ACTR3C: variants seen among roughly 807,000 people sequenced by gnomAD.
ACTR3C encodes the protein actin-related protein 3C.
A neutral mutation model predicts 26.3 loss-of-function variants in ACTR3C; 18 were observed. The observed-to-expected ratio is 0.68, with a 90% CI of 0.47 to 1.01. The LOEUF (loss-of-function observed/expected upper bound fraction) is 1.01, where lower values mean the gene tolerates loss of function less well. Among genes scored for constraint, ACTR3C ranks in the 50% least tolerant of loss-of-function variants. The pLI is 0.00. For missense variants in ACTR3C, 184 were observed against 250.7 expected, an observed-to-expected ratio of 0.73 and a Z score of 1.80; for synonymous variants, 55 against 94.5, an observed-to-expected ratio of 0.58 and a Z score of 2.42.
At chr7:149,985,223 C>CATACACACACACACAT in the ACTR3C span, among the ~76,000 whole-genome samples, 2,610 of 140,736 alleles carry the variant, frequency 0.019, 87 homozygotes, top group African/African-American at 0.06. Flanking sequence ...CACACACACA[C>CATACACACACACACAT]ACACACACAC....
the ACTR3C span, among the ~76,000 whole-genome samples, chr7:150,058,821 A>C: frequency 6.6e-6 from 1 of 152,168 alleles, no homozygotes; most frequent in South Asian, 2.1e-4. Context: ...AGGCTGAGGC[A>C]GGAGAATCAC....
the ACTR3C span, among the ~76,000 whole-genome samples, chr7:150,221,513 A>C: frequency 2.0e-5 from 3 of 152,168 alleles, no homozygotes; most frequent in Non-Finnish European, 4.4e-5. Context: ...CAAAATGTTA[A>C]ATTTTATCCA....
chr7:150,163,382 GTA>G, the ACTR3C span, among the ~76,000 whole-genome samples: 57 of 134,358 alleles, frequency 4.2e-4, no homozygotes, highest in Middle Eastern at 3.5e-3. Flanking sequence ...ATATATGTGT[GTA>G]TGTGTGTGTG....
chr7:150,036,945 T>C, the ACTR3C span, among the ~76,000 whole-genome samples: 2 of 43,340 alleles, frequency 4.6e-5, no homozygotes, highest in African/African-American at 1.7e-4. Context: ...TAAGAGCCAG[T>C]GGGGGAACCA....
the ACTR3C span, among the ~76,000 whole-genome samples, chr7:149,907,931 C>A: frequency 6.6e-6 from 1 of 152,018 alleles, no homozygotes; most frequent in African/African-American, 2.4e-5. Flanking sequence ...TACAGAACAC[C>A]AATTGTCATG....
chr7:150,039,757 C>T, the ACTR3C span, among the ~76,000 whole-genome samples: 3 of 131,756 alleles, frequency 2.3e-5, no homozygotes, highest in Non-Finnish European at 5.0e-5. Context: ...CCCCCTCCTG[C>T]GATGGGGGTC....
chr7:150,203,826 C>T, the ACTR3C span, among the ~76,000 whole-genome samples: 3,667 of 152,314 alleles, frequency 0.024, 84 homozygotes, highest in East Asian at 0.081. Context: ...CTTGGCCTCC[C>T]AAAGTGCTGG....
chr7:149,964,441 A>G, the ACTR3C span, among the ~76,000 whole-genome samples: 234 of 151,368 alleles, frequency 1.5e-3, no homozygotes, highest in African/African-American at 5.4e-3. Context: ...GAAGAGAAGG[A>G]TAAAAAATAT....
chr7:150,213,636 G>A, the ACTR3C span, among the ~76,000 whole-genome samples: 42 of 152,150 alleles, frequency 2.8e-4, no homozygotes, highest in African/African-American at 8.9e-4. Flanking sequence ...CCCAGGAGGG[G>A]GAAGTTCTAT....
At chr7:150,113,262 T>A in the ACTR3C span, among the ~76,000 whole-genome samples, 82 of 140,594 alleles carry the variant, frequency 5.8e-4, 1 homozygote, top group South Asian at 0.011. Flanking sequence ...AAAAAAAAAA[T>A]GGTTTGAATT....
At chr7:150,315,272 C>A (rs576544113) in intron 1 of ACTR3C, among the ~76,000 whole-genome samples, 1 of 151,876 alleles carries the variant, frequency 6.6e-6, no homozygotes, top group African/African-American at 2.4e-5. Flanking sequence ...TAAAATTGAA[C>A]GTCATCGTGA....
At chr7:149,983,449 G>GTGTATATATATATATATATATATATA in the ACTR3C span, among the ~76,000 whole-genome samples, 6 of 23,328 alleles carry the variant, frequency 2.6e-4, no homozygotes, top group East Asian at 2.7e-3. Flanking sequence ...GTGTGTGTGT[G>GTGTATATATATATATATATATATATA]TATATATATA....
chr7:150,039,893 C>A, the ACTR3C span, among the ~76,000 whole-genome samples: 2 of 123,348 alleles, frequency 1.6e-5, no homozygotes, highest in Non-Finnish European at 3.6e-5. Flanking sequence ...GTCCCCGTGT[C>A]GTGAGGGGTG....
At chr7:150,041,791 G>A in the ACTR3C span, among the ~76,000 whole-genome samples, 2 of 143,096 alleles carry the variant, frequency 1.4e-5, no homozygotes, top group African/African-American at 5.3e-5. Flanking sequence ...CTGCCTCGCG[G>A]GGGGTGCCTC....
chr7:150,239,532 C>A (rs1230096414), downstream of ACTR3C, among the ~76,000 whole-genome samples: 767 of 120,902 alleles, frequency 6.3e-3, 11 homozygotes, highest in Middle Eastern at 0.012. Context: ...CTCTCTCTCT[C>A]TCTCTCTCTA....
At chr7:150,271,901 C>T (rs559438664) in intron 6 of ACTR3C, among the ~76,000 whole-genome samples, 39 of 148,652 alleles carry the variant, frequency 2.6e-4, no homozygotes, top group Middle Eastern at 3.4e-3. Flanking sequence ...ATACCTCCCC[C>T]CTCGCCCAGA....
chr7:150,226,774 A>G, the ACTR3C span, among the ~76,000 whole-genome samples: 54 of 152,158 alleles, frequency 3.5e-4, no homozygotes, highest in Non-Finnish European at 7.1e-4. Context: ...CTAGTCACCA[A>G]TGATGTTCAG....
chr7:149,970,851 G>C, the ACTR3C span, among the ~76,000 whole-genome samples: 2 of 152,164 alleles, frequency 1.3e-5, no homozygotes, highest in African/African-American at 4.8e-5. Flanking sequence ...ATATCTTTCT[G>C]ATTCAGTATC....
At chr7:150,115,906 T>G in the ACTR3C span, among the ~76,000 whole-genome samples, 1 of 152,222 alleles carries the variant, frequency 6.6e-6, no homozygotes, top group African/African-American at 2.4e-5. Flanking sequence ...GTGCAAAGAT[T>G]CTTTCCTCCT....
Sources: allele counts gnomAD v4.1 joint callset (sites outside exome capture counted in the v4.1 genomes callset), GRCh38; gene constraint gnomAD v4.1.1; transcripts MANE v1.5; gene names NCBI Gene and HGNC (gene_info 2026-07-23, HGNC 2026-07-21).